LRRC7: variants seen among roughly 807,000 people sequenced by gnomAD.
LRRC7 encodes leucine rich repeat containing 7.
A neutral mutation model predicts 175.7 loss-of-function variants in LRRC7; 23 were observed. That is an observed-to-expected ratio of 0.13 (90% CI 0.09 to 0.19). The LOEUF is 0.19. LRRC7 is among the 10% of genes least tolerant of loss of function. The probability of loss-of-function intolerance (pLI) is 1.00; values close to 1 mark genes in which losing one functional copy is unlikely to be tolerated. For missense variants in LRRC7, 1,354 were observed against 1,904.7 expected, an observed-to-expected ratio of 0.71 and a Z score of 5.38; for synonymous variants, 685 against 680.9, an observed-to-expected ratio of 1.01 and a Z score of -0.09.
At position 70,135,909 on chromosome 1, in the gene LRRC7, A is replaced by C. The variant is rs1185821616; in HGVS notation, c.*14022A>C. On this transcript the variant is annotated 3_prime_UTR_variant, in exon 27 of 27. Transcript: ENST00000651989. Reference sequence around the variant, plus strand: ...GCACTTGATAGGTTCTCACAGTCTCATTATGATCAAGACAGATATTCTAGC... The same window carrying C: ...GCACTTGATAGGTTCTCACAGTCTCCTTATGATCAAGACAGATATTCTAGC... Among the ~76,000 whole-genome samples the C allele has an allele frequency of 6.6e-6, 1 of 152,176 alleles. No individual in the cohort carries two copies. The highest frequency in any genetic ancestry group is 1.5e-5 in the Non-Finnish European group (1 of 68,022).
At chr1:69,960,417 G>C (rs1650938277) in intron 8 of LRRC7, among the ~76,000 whole-genome samples, 1 of 151,826 alleles carries the variant, frequency 6.6e-6, no homozygotes, top group South Asian at 2.1e-4. Context: ...GTTTTATTAA[G>C]TTTTTCAAAA....
At chr1:69,927,333 T>C (rs1647113114) in intron 7 of LRRC7, among the ~76,000 whole-genome samples, 2 of 152,332 alleles carry the variant, frequency 1.3e-5, no homozygotes, top group Admixed American at 1.3e-4. Context: ...TCTCTGTATT[T>C]CCTGAATCTG....
At chr1:69,974,685 G>A (rs985258588) in intron 8 of LRRC7, among the ~76,000 whole-genome samples, 9 of 152,122 alleles carry the variant, frequency 5.9e-5, no homozygotes, top group African/African-American at 2.2e-4. Flanking sequence ...TTGTGGTTTT[G>A]TCTTCTTTTC....
chr1:69,804,966 C>T (rs1350810971), intron 4 of LRRC7, among the ~76,000 whole-genome samples: 2 of 151,718 alleles, frequency 1.3e-5, no homozygotes, highest in Non-Finnish European at 3.0e-5. Context: ...TTTATAGAGA[C>T]TACGACACTA....
chr1:70,052,498 G>A (rs555293219), intron 22 of LRRC7, among the ~76,000 whole-genome samples: 4 of 151,906 alleles, frequency 2.6e-5, no homozygotes, highest in African/African-American at 7.2e-5. Context: ...TGTTGATAAC[G>A]CCATAGTACC....
chr1:69,652,449 T>A (rs1023336633), intron 1 of LRRC7, among the ~76,000 whole-genome samples: 3 of 152,110 alleles, frequency 2.0e-5, no homozygotes, highest in Admixed American at 2.0e-4. Flanking sequence ...AATTATTAAA[T>A]ATTGATAAAA....
intron 2 of LRRC7, among the ~76,000 whole-genome samples, chr1:69,744,326 T>G (rs1669032844): frequency 6.6e-6 from 1 of 151,844 alleles, no homozygotes; most frequent in Non-Finnish European, 1.5e-5. Context: ...TCTACTATCC[T>G]TAAAGACTGA....
intron 3 of LRRC7, among the ~76,000 whole-genome samples, chr1:69,790,265 A>T (rs933592020): frequency 1.3e-5 from 2 of 152,026 alleles, no homozygotes; most frequent in Non-Finnish European, 2.9e-5. Context: ...AAGGTTGAAC[A>T]CACTTCAATC....
chr1:69,790,584 CTTTT>C (rs972131029), intron 3 of LRRC7, among the ~76,000 whole-genome samples: 20 of 151,748 alleles, frequency 1.3e-4, no homozygotes, highest in African/African-American at 4.6e-4. Flanking sequence ...AAGACAATTG[CTTTT>C]TTTAAGTCTA....
At position 70,140,783 on chromosome 1, in the gene LRRC7, C is replaced by T. The variant is rs1422631832; in HGVS notation, c.*18896C>T. Among the ~76,000 whole-genome samples, 2 of 152,136 alleles carry T rather than the reference C, an allele frequency of 1.3e-5. No homozygotes were observed. Among genetic ancestry groups the T allele is most frequent in the Non-Finnish European group, 2.9e-5 (2 of 68,006 alleles). ...CTTTACTGATACAAGTATTCAAAGG[C>T]CCTCCTATCCAATCACAGCCACAAA... On this transcript the variant is annotated 3_prime_UTR_variant, in exon 27 of 27. Coordinates refer to ENST00000651989, the MANE Select transcript of LRRC7 (RefSeq NM_001370785.2).
chr1:69,873,727 G>A lies in LRRC7; in HGVS notation c.647+35444G>A, dbSNP rs114729503. 2.3e-3 allele frequency: 496 copies of A among 212,104 alleles called. 3 individuals are homozygous for A. The highest frequency in any genetic ancestry group is 0.01 in the African/African-American group (441 of 43,270). The allele number at this position is 212,104 out of a possible 1,614,324, so 13.1% of individuals were successfully genotyped here. A position where few individuals can be genotyped will look rare whatever the true frequency, so the allele number is the denominator to read the frequency against. ...TGTTTGGTCTTTGTTAAAGTTTAACGATGACATTTCTGACTAATATAGAGA... is the reference window on the plus strand; with the variant it reads ...TGTTTGGTCTTTGTTAAAGTTTAACAATGACATTTCTGACTAATATAGAGA... On this transcript the variant is annotated intron_variant, in intron 7 of 26. Coordinates refer to ENST00000651989, the MANE Select transcript of LRRC7 (RefSeq NM_001370785.2).
intron 7 of LRRC7, among the ~76,000 whole-genome samples, chr1:69,877,488 C>T (rs72676819): frequency 0.014 from 2,084 of 152,100 alleles, 41 homozygotes; most frequent in African/African-American, 0.048. Flanking sequence ...TTAAAAAAAA[C>T]CAGTTTTATT....
chr1:69,910,986 T>A (rs1024395620), intron 7 of LRRC7, among the ~76,000 whole-genome samples: 1 of 152,198 alleles, frequency 6.6e-6, no homozygotes, highest in Admixed American at 6.5e-5. Flanking sequence ...TCCGTGGGCA[T>A]AGGACCCTCC....
At chr1:69,745,870 C>G (rs1262646942) in intron 2 of LRRC7, among the ~76,000 whole-genome samples, 1 of 151,584 alleles carries the variant, frequency 6.6e-6, no homozygotes, top group Non-Finnish European at 1.5e-5. Flanking sequence ...TCTATAATTT[C>G]AAAATTCCTA....
chr1:69,779,026 A>G (rs1399512100), intron 3 of LRRC7, among the ~76,000 whole-genome samples: 3 of 151,514 alleles, frequency 2.0e-5, no homozygotes, highest in African/African-American at 4.9e-5. Flanking sequence ...AAACATATAT[A>G]TATATACACA....
rs576724725 is a variant in LRRC7 at position 69,988,646 on chromosome 1, G to A, written c.931+2260G>A. 3.0e-4 allele frequency among the ~76,000 whole-genome samples: 45 copies of A among 152,250 alleles called. No homozygotes were observed. The South Asian group carries it at 9.3e-3, about 32-fold the overall frequency. ...GCGGGACCTCTTTTCTGTGAAAAGGGACTGAAAAATTTACAACTAGTATGT... is the reference window on the plus strand; with the variant it reads ...GCGGGACCTCTTTTCTGTGAAAAGGAACTGAAAAATTTACAACTAGTATGT... On this transcript the variant is annotated intron_variant, in intron 10 of 26. Transcript: ENST00000651989.
intron 22 of LRRC7, among the ~76,000 whole-genome samples, chr1:70,049,424 T>C (rs936540472): frequency 6.6e-6 from 1 of 152,150 alleles, no homozygotes; most frequent in African/African-American, 2.4e-5. Context: ...ATGCAGTTTT[T>C]TTCTGCTGAA....
At chr1:70,058,294 G>A (rs1661307743) in intron 23 of LRRC7, among the ~76,000 whole-genome samples, 1 of 152,164 alleles carries the variant, frequency 6.6e-6, no homozygotes, top group South Asian at 2.1e-4. Context: ...ATAGGCGAGA[G>A]CCACTGTGCC....
At chr1:69,816,519 A>G (rs1678618829) in intron 4 of LRRC7, among the ~76,000 whole-genome samples, 1 of 152,126 alleles carries the variant, frequency 6.6e-6, no homozygotes, top group Non-Finnish European at 1.5e-5. Context: ...GGCATTTCTT[A>G]TCTCTATATT....
Sources: allele counts gnomAD v4.1 joint callset (sites outside exome capture counted in the v4.1 genomes callset), GRCh38; gene constraint gnomAD v4.1.1; transcripts MANE v1.5; gene names NCBI Gene and HGNC (gene_info 2026-07-23, HGNC 2026-07-21).